Variants in CDH8 observed in about 807,000 individuals in gnomAD.
CDH8 encodes cadherin-8.
CDH8 carries 17 observed loss-of-function variants against 68.1 expected under a neutral mutation model. The observed-to-expected ratio is 0.25, with a 90% CI of 0.17 to 0.37. CDH8 has a LOEUF of 0.37. CDH8 is among the 10% of genes least tolerant of loss of function. The pLI is 1.00. For missense variants in CDH8, 763 were observed against 999.3 expected (o/e 0.76, Z 3.19); for synonymous variants, 372 against 365.1 (o/e 1.02, Z -0.21).
chr16:61,804,499 A>G (rs1961750130), intron 7 of CDH8, among the ~76,000 whole-genome samples: 1 of 150,976 alleles, frequency 6.6e-6, no homozygotes, highest in Non-Finnish European at 1.5e-5. Flanking sequence ...AGAGACACAA[A>G]AAACCCTTCA....
chr16:61,710,315 C>T lies in CDH8; in HGVS notation c.1654+3526G>A, dbSNP rs116973391. Among the ~76,000 whole-genome samples the T allele has an allele frequency of 6.7e-3, 1,013 of 152,140 alleles. 5 individuals carry two copies. Among genetic ancestry groups the T allele is most frequent in the Admixed American group, 0.015 (231 of 15,254 alleles). ...TGTATACCATTTGAACTAGGCCACTCGGTTGAGACAGAAATCTATCAGACA... is the reference window on the plus strand; with the variant it reads ...TGTATACCATTTGAACTAGGCCACTTGGTTGAGACAGAAATCTATCAGACA... On this transcript the variant is annotated intron_variant, in intron 10 of 11. Coordinates refer to ENST00000577390, the MANE Select transcript of CDH8 (RefSeq NM_001796.5).
chr16:61,938,863 T>G (rs925297390), intron 2 of CDH8, among the ~76,000 whole-genome samples: 1 of 152,204 alleles, frequency 6.6e-6, no homozygotes, highest in African/African-American at 2.4e-5. Context: ...TTAACACAGT[T>G]CTCCATAAAT....
chr16:61,677,740 T>G (rs1344424014), intron 10 of CDH8, among the ~76,000 whole-genome samples: 1 of 152,016 alleles, frequency 6.6e-6, no homozygotes, highest in East Asian at 1.9e-4. Flanking sequence ...GTTCTGCTAC[T>G]GTAAACAAAA....
At chr16:61,913,993 TTATGTTGAAA>T (rs1478169750) in intron 2 of CDH8, among the ~76,000 whole-genome samples, 2 of 152,024 alleles carry the variant, frequency 1.3e-5, no homozygotes, top group African/African-American at 4.8e-5. Flanking sequence ...ACAAAAATGA[TTATGTTGAAA>T]TAAGGCTGTT....
At chr16:61,886,005 T>A (rs1963666176) in intron 3 of CDH8, among the ~76,000 whole-genome samples, 2 of 152,282 alleles carry the variant, frequency 1.3e-5, no homozygotes, top group East Asian at 3.9e-4. Flanking sequence ...TCTGGTTCTA[T>A]CTCCCAGTTC....
chr16:61,963,495 T>G (rs1269701699), intron 2 of CDH8, among the ~76,000 whole-genome samples: 6 of 152,222 alleles, frequency 3.9e-5, no homozygotes, highest in African/African-American at 4.8e-5. Context: ...AAAGCAATGT[T>G]ATTAAATTCT....
At chr16:61,949,925 CT>C (rs979255909) in intron 2 of CDH8, among the ~76,000 whole-genome samples, 1 of 151,498 alleles carries the variant, frequency 6.6e-6, no homozygotes, top group Non-Finnish European at 1.5e-5. Flanking sequence ...GTGGTTGAGG[CT>C]GCAATGAGCC....
In CDH8 at chr16:61,919,311, C is replaced by G. The variant is rs563770562; in HGVS notation, c.253-17838G>C. 3.4e-3 allele frequency among the ~76,000 whole-genome samples: 504 copies of G among 148,472 alleles called. 15 individuals are homozygous for G. The highest frequency in any genetic ancestry group is 2.2e-3 in the South Asian group (10 of 4,566). On this transcript the variant is annotated intron_variant, in intron 2 of 11. Transcript: ENST00000577390. ...TCACCAGCAACGGAACAAAGCTGGACGGAGAATGACTTTGACAAGCTGAGA... is the reference window on the plus strand; with the variant it reads ...TCACCAGCAACGGAACAAAGCTGGAGGGAGAATGACTTTGACAAGCTGAGA...
intron 2 of CDH8, among the ~76,000 whole-genome samples, chr16:61,913,749 A>C (rs1290137791): frequency 6.6e-6 from 1 of 152,132 alleles, no homozygotes; most frequent in African/African-American, 2.4e-5. Context: ...TTTCACACTA[A>C]ATAGATCTTT....
chr16:61,855,844 G>C (rs1243421843), intron 4 of CDH8, among the ~76,000 whole-genome samples: 1 of 152,090 alleles, frequency 6.6e-6, no homozygotes, highest in Non-Finnish European at 1.5e-5. Context: ...CAAACTTGAA[G>C]GCAGCCACCT....
intron 8 of CDH8, among the ~76,000 whole-genome samples, chr16:61,731,398 T>C (rs888086887): frequency 4.0e-5 from 6 of 151,734 alleles, no homozygotes; most frequent in African/African-American, 1.4e-4. Context: ...GAACAAATTA[T>C]GACCTAGGAC....
intron 1 of CDH8, chr16:62,034,987 A>T: frequency 6.6e-6 from 1 of 152,074 alleles, no homozygotes; most frequent in Non-Finnish European, 1.5e-5. Context: ...CCTGCGGGGG[A>T]AGGGTCAACC....
chr16:61,728,365 A>G (rs1026462091), intron 8 of CDH8, among the ~76,000 whole-genome samples: 2 of 150,912 alleles, frequency 1.3e-5, no homozygotes, highest in African/African-American at 4.8e-5. Context: ...CAAGATTTGA[A>G]TTTAGTTGAG....
At chr16:61,790,033 T>A (rs1226773796) in intron 7 of CDH8, among the ~76,000 whole-genome samples, 3 of 152,076 alleles carry the variant, frequency 2.0e-5, no homozygotes, top group Non-Finnish European at 4.4e-5. Context: ...TTAGTCTCAG[T>A]CCATAGAAAT....
At chr16:61,851,245 TG>T in intron 4 of CDH8, among the ~76,000 whole-genome samples, 1 of 146,944 alleles carries the variant, frequency 6.8e-6, no homozygotes, top group East Asian at 2.1e-4. Context: ...ATTCATTACA[TG>T]GATTTTTTTT....
intron 2 of CDH8, among the ~76,000 whole-genome samples, chr16:61,917,183 G>T (rs1964253737): frequency 6.6e-6 from 1 of 151,298 alleles, no homozygotes; most frequent in Non-Finnish European, 1.5e-5. Flanking sequence ...ATGCCGCTGT[G>T]TTCCTGCTGG....
intron 1 of CDH8, among the ~76,000 whole-genome samples, chr16:62,026,949 G>A (rs771454982): frequency 2.7e-4 from 41 of 152,340 alleles, no homozygotes; most frequent in Admixed American, 1.2e-3. Flanking sequence ...AATAGTAGCT[G>A]CATACACAAA....
chr16:61,693,272 T>C (rs1311459792), intron 10 of CDH8: 1 of 152,182 alleles, frequency 6.6e-6, no homozygotes, highest in Non-Finnish European at 1.5e-5. Context: ...GAGCAAACTA[T>C]GACCCATGGA....
chr16:61,954,065 C>T (rs1479145515), intron 2 of CDH8, among the ~76,000 whole-genome samples: 1 of 151,652 alleles, frequency 6.6e-6, no homozygotes, highest in Non-Finnish European at 1.5e-5. Flanking sequence ...TCCATAAAAT[C>T]GTCTCATTTA....
Sources: gnomAD v4.1 joint callset for allele counts (sites outside exome capture counted in the v4.1 genomes callset) on GRCh38, gnomAD v4.1.1 for gene constraint, MANE v1.5 for transcripts, NCBI Gene and HGNC (gene_info 2026-07-23, HGNC 2026-07-21) for gene names.